The following SGCZ variants were observed in gnomAD, a reference collection of about 807,000 sequenced individuals.
The protein encoded by SGCZ is sarcoglycan zeta.
In SGCZ, 40 loss-of-function variants were observed where a neutral mutation model predicts 41.3. That is an observed-to-expected ratio of 0.97 (90% CI 0.75 to 1.26). SGCZ has a LOEUF of 1.26. Among genes scored for constraint, SGCZ ranks in the 50% most tolerant of loss-of-function variants. The pLI, the probability that SGCZ is intolerant of heterozygous loss-of-function variation, is 0.00. For synonymous variants in SGCZ, 206 were observed against 137.5 expected (o/e 1.50, Z -3.49); for missense variants, 552 against 369.8 (o/e 1.49, Z -4.04).
intron 2 of SGCZ, among the ~76,000 whole-genome samples, chr8:14,469,532 T>C (rs1397987669): frequency 6.6e-6 from 1 of 152,166 alleles, no homozygotes; most frequent in East Asian, 1.9e-4. Context: ...CCCCATTTCC[T>C]GGCATACAAC....
chr8:14,792,769 C>G (rs868726783), intron 1 of SGCZ, among the ~76,000 whole-genome samples: 4 of 151,930 alleles, frequency 2.6e-5, no homozygotes, highest in African/African-American at 9.7e-5. Context: ...TTTTCTTTTT[C>G]TCTCACTGAC....
At chr8:15,235,712 G>A (rs1413590550) in intron 1 of SGCZ, among the ~76,000 whole-genome samples, 1 of 152,042 alleles carries the variant, frequency 6.6e-6, no homozygotes, top group Admixed American at 6.5e-5. Flanking sequence ...GGATAAGCTA[G>A]GAAACTAAAG....
At chr8:14,202,127 T>G (rs947442422) in intron 4 of SGCZ, among the ~76,000 whole-genome samples, 1 of 152,146 alleles carries the variant, frequency 6.6e-6, no homozygotes, top group Non-Finnish European at 1.5e-5. Flanking sequence ...AATCCCAATG[T>G]CATTACAGAG....
intron 1 of SGCZ, among the ~76,000 whole-genome samples, chr8:14,714,063 G>A (rs1462481528): frequency 6.6e-6 from 1 of 152,048 alleles, no homozygotes; most frequent in Non-Finnish European, 1.5e-5. Context: ...TGCCTCCTTG[G>A]TTGAAGCAAT....
intron 1 of SGCZ, among the ~76,000 whole-genome samples, chr8:14,859,411 G>T (rs1459983513): frequency 6.6e-6 from 1 of 151,918 alleles, no homozygotes; most frequent in Admixed American, 6.6e-5. Context: ...AAAAAAAAAG[G>T]TAGACAATAC....
chr8:14,278,032 T>G (rs1050594563), intron 3 of SGCZ, among the ~76,000 whole-genome samples: 1 of 152,190 alleles, frequency 6.6e-6, no homozygotes, highest in Non-Finnish European at 1.5e-5. Context: ...ATCTGCCTAA[T>G]AAGACTACCT....
intron 1 of SGCZ, among the ~76,000 whole-genome samples, chr8:14,577,006 A>G (rs1337205032): frequency 1.3e-5 from 2 of 152,248 alleles, no homozygotes; most frequent in East Asian, 1.9e-4. Context: ...TACATAATTT[A>G]GATTTGCCAT....
intron 2 of SGCZ, among the ~76,000 whole-genome samples, chr8:14,491,896 T>C (rs944301966): frequency 8.5e-5 from 13 of 152,180 alleles, no homozygotes; most frequent in Non-Finnish European, 1.9e-4. Context: ...GCCTGGATAC[T>C]GTAAAATCCT....
chr8:15,179,084 G>C (rs997508129), intron 1 of SGCZ, among the ~76,000 whole-genome samples: 5 of 152,060 alleles, frequency 3.3e-5, no homozygotes, highest in African/African-American at 1.2e-4. Context: ...GAGTTGTTTT[G>C]CTGGGAACAA....
intron 1 of SGCZ, among the ~76,000 whole-genome samples, chr8:14,914,158 C>A (rs776968725): frequency 5.9e-5 from 9 of 151,626 alleles, no homozygotes; most frequent in Non-Finnish European, 1.0e-4. Context: ...ATATAACCTG[C>A]AACCATATAT....
chr8:14,624,665 G>A (rs1373253070), intron 1 of SGCZ, among the ~76,000 whole-genome samples: 1 of 147,474 alleles, frequency 6.8e-6, no homozygotes, highest in Admixed American at 6.9e-5. Context: ...CCGCCTCCCG[G>A]GGTCAAGTAA....
chr8:15,065,443 A>ATTATTG (rs1554549716), intron 1 of SGCZ, among the ~76,000 whole-genome samples: 6 of 147,300 alleles, frequency 4.1e-5, no homozygotes, highest in African/African-American at 1.5e-4. Flanking sequence ...TATTATTATT[A>ATTATTG]TTATTATTAT....
At chr8:15,003,210 A>C (rs1402913570) in intron 1 of SGCZ, among the ~76,000 whole-genome samples, 1 of 152,198 alleles carries the variant, frequency 6.6e-6, no homozygotes, top group Admixed American at 6.5e-5. Flanking sequence ...TACTGAAGGA[A>C]AATGGAGAGC....
chr8:14,610,240 C>A, intron 1 of SGCZ, among the ~76,000 whole-genome samples: 1 of 152,126 alleles, frequency 6.6e-6, no homozygotes, highest in Non-Finnish European at 1.5e-5. Context: ...ACTTGAGAAA[C>A]AGTAGATGTA....
At chr8:14,286,649 G>T (rs898542011) in intron 3 of SGCZ, among the ~76,000 whole-genome samples, 2 of 151,990 alleles carry the variant, frequency 1.3e-5, no homozygotes, top group African/African-American at 4.8e-5. Context: ...TTTAATGAAA[G>T]CACTAACATT....
intron 1 of SGCZ, among the ~76,000 whole-genome samples, chr8:14,784,436 T>G (rs760692411): frequency 4.0e-5 from 6 of 151,798 alleles, no homozygotes; most frequent in Non-Finnish European, 7.4e-5. Flanking sequence ...TATATCAGGG[T>G]TTTTGTCATA....
At chr8:15,019,521 A>G (rs1253354073) in intron 1 of SGCZ, among the ~76,000 whole-genome samples, 1 of 152,056 alleles carries the variant, frequency 6.6e-6, no homozygotes, top group Non-Finnish European at 1.5e-5. Context: ...TGATTGATAA[A>G]TCTAGGCAAA....
At chr8:15,006,711 A>C (rs1344985099) in intron 1 of SGCZ, among the ~76,000 whole-genome samples, 1 of 152,124 alleles carries the variant, frequency 6.6e-6, no homozygotes, top group Non-Finnish European at 1.5e-5. Flanking sequence ...GATTAATTAG[A>C]CTCTATAAAA....
chr8:14,518,459 T>C (rs1161586155), intron 2 of SGCZ, among the ~76,000 whole-genome samples: 1 of 152,140 alleles, frequency 6.6e-6, no homozygotes, highest in Non-Finnish European at 1.5e-5. Flanking sequence ...TTGACAAACA[T>C]TTTATTTCAA....
Sources: allele counts gnomAD v4.1 joint callset (sites outside exome capture counted in the v4.1 genomes callset), GRCh38; gene constraint gnomAD v4.1.1; transcripts MANE v1.5; gene names NCBI Gene and HGNC (gene_info 2026-07-23, HGNC 2026-07-21).